The following ERBB3 variants were observed in gnomAD, a reference collection of about 807,000 sequenced individuals.
ERBB3 encodes receptor tyrosine-protein kinase erbB-3.
Under a neutral mutation model 156.7 loss-of-function variants are expected in ERBB3, and 96 were observed. That is an observed-to-expected ratio of 0.61 (90% CI 0.52 to 0.73). The LOEUF is 0.73. Among genes scored for constraint, ERBB3 ranks in the 30% least tolerant of loss-of-function variants. The pLI is 0.00. For synonymous variants in ERBB3, 567 were observed against 632.0 expected, an observed-to-expected ratio of 0.90 and a Z score of 1.54; for missense variants, 1,406 against 1,709.4, an observed-to-expected ratio of 0.82 and a Z score of 3.13.
At chr12:56,085,458 C>G in intron 3 of ERBB3, 1 of 1,398,314 alleles carries the variant, frequency 7.2e-7, no homozygotes, top group Non-Finnish European at 9.3e-7. Flanking sequence ...GTACAGTGTA[C>G]CGGAGGCCAG....
rs1008072985 is a variant in ERBB3, at chr12:56,102,824, A to AC, written c.*769_*770insC. The AC allele has an allele frequency of 2.8e-5, 6 of 215,366 alleles. No homozygotes were observed. The highest frequency in any genetic ancestry group is 9.1e-5 in the African/African-American group (4 of 44,018). The allele number at this position is 215,366 out of a possible 1,614,324, so 13.3% of individuals were successfully genotyped here. A position where few individuals can be genotyped will look rare whatever the true frequency, so the allele number is the denominator to read the frequency against. Reference sequence around the variant, plus strand: ...ATCTCTTTAAAAAAAAAAAAAAAAAAAAAAAAAAAACTTTAGAACTGGGTG... The same window carrying AC: ...ATCTCTTTAAAAAAAAAAAAAAAAAACAAAAAAAAAACTTTAGAACTGGGTG... On this transcript the variant is annotated 3_prime_UTR_variant, in exon 28 of 28. Transcript: ENST00000267101.
intron 2 of ERBB3, among the ~76,000 whole-genome samples, chr12:56,084,676 A>T (rs1458083217): frequency 1.3e-5 from 2 of 150,078 alleles, no homozygotes; most frequent in Non-Finnish European, 3.0e-5. Context: ...TGGAAAAACC[A>T]CATCTCTACT....
At chr12:56,089,017 C>T in intron 9 of ERBB3, 149 bp downstream of exon 9, 2 of 1,034,058 alleles carry the variant, frequency 1.9e-6, no homozygotes. Context: ...GAATGCTTAA[C>T]ACATCCTCCA....
chr12:56,097,865 G>T lies in ERBB3; in HGVS notation c.2541G>T (p.Gln847His). The T allele has an allele frequency of 6.2e-7, 1 of 1,614,016 alleles. No homozygotes were observed. ...ARNVLLKSPS[Q>H]VQVADFGVAD... ...ACGTGCTACTCAAGTCACCCAGTCA[G>T]GTTCAGGTGGCAGATTTTGGTGTGG... The change falls in exon 21 of 28, where the codon CAG (glutamine) becomes CAT (histidine). Residue 847 changes from glutamine (Q) to histidine (H), a missense_variant. Coordinates refer to ENST00000267101, the MANE Select transcript of ERBB3 (RefSeq NM_001982.4).
At position 56,101,590 on chromosome 12, in the gene ERBB3, T is replaced by G; in HGVS notation, c.3564T>G (p.Thr1188=). The G allele has an allele frequency of 6.2e-7, 1 of 1,614,022 alleles. No homozygotes were observed. The highest frequency in any genetic ancestry group is 1.1e-5 in the South Asian group (1 of 91,070). ...TGGGTCTCAGTTCTGTCCTGGGTAC[T>G]GAAGAAGAAGATGAAGATGAGGAGT... ...SSVGLSSVLG[T]EEEDEDEEYE... Residue 1188 remains threonine, a synonymous_variant, in exon 28 of 28, where the codon ACT becomes ACG. Coordinates refer to ENST00000267101, the MANE Select transcript of ERBB3 (RefSeq NM_001982.4).
In ERBB3 at chr12:56,088,570, G is replaced by A; in HGVS notation, c.902G>A (p.Cys301Tyr). ...AACTTTGTGGTGGATCAAACATCCT[G>A]TGTCAGGGCCTGTCCTCCTGACAAG... ...PHNFVVDQTSCVRACPPDKME... is the reference protein window; with the variant it reads ...PHNFVVDQTSYVRACPPDKME... The change falls in exon 8 of 28, where the codon TGT (cysteine) becomes TAT (tyrosine). Residue 301 changes from cysteine (C) to tyrosine (Y), a missense_variant. Transcript: ENST00000267101. 1 of 1,613,740 alleles carries A rather than the reference G, an allele frequency of 6.2e-7. No homozygotes were observed. The highest frequency in any genetic ancestry group is 8.5e-7 in the Non-Finnish European group (1 of 1,179,618).
intron 3 of ERBB3, 198 bp downstream of exon 3, chr12:56,085,379 A>G (rs2136789296): frequency 2.1e-6 from 3 of 1,450,834 alleles, no homozygotes; most frequent in Middle Eastern, 1.9e-4. Flanking sequence ...TGCTCCAGGG[A>G]AAGGAACCCT....
Position 56,102,289 on chromosome 12 carries a change from T to C in ERBB3, c.*234T>C. 1 of 542,192 alleles carries C rather than the reference T, an allele frequency of 1.8e-6. No homozygotes were observed. The highest frequency in any genetic ancestry group is 3.3e-6 in the Non-Finnish European group (1 of 301,824). The allele number at this position is 542,192 out of a possible 1,614,324, so 33.6% of individuals were successfully genotyped here. A position where few individuals can be genotyped will look rare whatever the true frequency, so the allele number is the denominator to read the frequency against. ...ACCCCAGGAAAGGTTTTCCTTATTT[T>C]GTGTGCTTTCCCAGTCCCATTCCTC... On this transcript the variant is annotated 3_prime_UTR_variant, in exon 28 of 28. Transcript: ENST00000267101.
intron 21 of ERBB3, chr12:56,098,162 C>T (rs534917529): frequency 6.6e-5 from 38 of 577,930 alleles, no homozygotes; most frequent in South Asian, 2.2e-4. Context: ...CCCAACACTT[C>T]GGGAGGCCAA....
In ERBB3 at chr12:56,093,067, G is replaced by T. The variant is rs1403302046; in HGVS notation, c.1265G>T (p.Ser422Ile). 1 of 1,611,928 alleles carries T rather than the reference G, an allele frequency of 6.2e-7. No individual in the cohort carries two copies. The highest frequency in any genetic ancestry group is 8.5e-7 in the Non-Finnish European group (1 of 1,177,972). The part of the protein sequence containing the change: ...FSNLTTIGGR[S>I]LYNRGFSLLI... ...AATTTGACAACCATTGGAGGCAGAAGCCTCTACAAGTGAGTAAAGGGTATG... is the reference window on the plus strand; with the variant it reads ...AATTTGACAACCATTGGAGGCAGAATCCTCTACAAGTGAGTAAAGGGTATG... The change falls in exon 11 of 28, where the codon AGC becomes ATC. Residue 422 changes from serine (S) to isoleucine (I), a missense_variant. By Grantham distance (142) the Ser-to-Ile change is moderately radical. Around this residue, in one of 3 missense-constraint regions of ERBB3, gnomAD observed 979 missense variants for 1,219.6 expected, o/e 0.80. Transcript: ENST00000267101.
chr12:56,095,381 G>T, intron 16 of ERBB3, 71 bp downstream of exon 16: 1 of 1,282,510 alleles, frequency 7.8e-7, no homozygotes, highest in Non-Finnish European at 1.1e-6. Flanking sequence ...TACCTGGAGA[G>T]AAGAGGGAGG....
chr12:56,081,359 C>T (rs1392232521), intron 1 of ERBB3, among the ~76,000 whole-genome samples: 3 of 152,230 alleles, frequency 2.0e-5, no homozygotes, highest in Non-Finnish European at 4.4e-5. Flanking sequence ...GGACCGTGGA[C>T]ACCTGAGGAC....
chr12:56,090,380 C>CCAG (rs1403342411), intron 9 of ERBB3, among the ~76,000 whole-genome samples: 1 of 152,072 alleles, frequency 6.6e-6, no homozygotes, highest in East Asian at 1.9e-4. Flanking sequence ...GCCTATAATC[C>CCAG]CAGCACTTTG....
At position 56,099,752 on chromosome 12, in the gene ERBB3, A is replaced by G. The variant is rs1216217042; in HGVS notation, c.2937+7A>G. The G allele has an allele frequency of 3.1e-6, 5 of 1,613,336 alleles. No individual in the cohort carries two copies. Among genetic ancestry groups the G allele is most frequent in the Non-Finnish European group, 4.2e-6 (5 of 1,179,244 alleles). On this transcript the variant is annotated splice_region_variant and intron_variant, in intron 24 of 27. Coordinates refer to ENST00000267101, the MANE Select transcript of ERBB3 (RefSeq NM_001982.4). ...ACGGTATCTGGTCATAAAGGTGAGTAGGGAGTAGGAGGTGCTAAGGAAATT... is the reference window on the plus strand; with the variant it reads ...ACGGTATCTGGTCATAAAGGTGAGTGGGGAGTAGGAGGTGCTAAGGAAATT...
chr12:56,087,967 A>C, intron 6 of ERBB3, 54 bp downstream of exon 6: 1 of 1,613,790 alleles, frequency 6.2e-7, no homozygotes, highest in Non-Finnish European at 8.5e-7. Flanking sequence ...GCCTTTGAGG[A>C]GGAGGTAGGG....
intron 9 of ERBB3, among the ~76,000 whole-genome samples, chr12:56,092,471 T>C (rs1868747893): frequency 6.7e-6 from 1 of 148,958 alleles, no homozygotes; most frequent in African/African-American, 2.5e-5. Flanking sequence ...TTCTAGTCAA[T>C]GGTTATAATC....
At chr12:56,101,439 C>G in intron 27 of ERBB3, 78 bp downstream of exon 27, 2 of 1,590,570 alleles carry the variant, frequency 1.3e-6, no homozygotes, top group Non-Finnish European at 1.7e-6. Context: ...CTTCTCTGAT[C>G]ATATGCCTCT....
In ERBB3 at chr12:56,097,171, C is replaced by A. The variant is rs777968329; in HGVS notation, c.2401C>A (p.Gln801Lys). 8 of 1,614,136 alleles carry A rather than the reference C, an allele frequency of 5.0e-6. No homozygotes were observed. The South Asian group carries it at 7.7e-5, about 16-fold the overall frequency. Residue 801 changes from glutamine to lysine, a missense_variant, in exon 20 of 28, where the codon CAA (glutamine) becomes AAA (lysine). Around this residue, in one of 3 missense-constraint regions of ERBB3, gnomAD observed 979 missense variants for 1,219.6 expected, o/e 0.80. Transcript: ENST00000267101. ...GGGTTCTCTGCTGGATCATGTGAGACAACACCGGGGGGCACTGGGGCCACA... is the reference window on the plus strand; with the variant it reads ...GGGTTCTCTGCTGGATCATGTGAGAAAACACCGGGGGGCACTGGGGCCACA... ...PLGSLLDHVR[Q>K]HRGALGPQLL...
chr12:56,090,160 C>T (rs953333120), intron 9 of ERBB3, among the ~76,000 whole-genome samples: 33 of 151,902 alleles, frequency 2.2e-4, no homozygotes, highest in East Asian at 2.0e-4. Flanking sequence ...CCATCATGCC[C>T]GGCTAATTTT....
Sources: allele counts gnomAD v4.1 joint callset (sites outside exome capture counted in the v4.1 genomes callset), GRCh38; gene constraint gnomAD v4.1.1; regional missense constraint gnomAD v4.1.1; transcripts MANE v1.5; gene names NCBI Gene and HGNC (gene_info 2026-07-23, HGNC 2026-07-21).